The following SCFD2 variants were observed in gnomAD, a reference collection of about 807,000 sequenced individuals.
SCFD2 encodes sec1 family domain containing 2, also known as sec1 family domain-containing protein 2.
A neutral mutation model predicts 58.9 loss-of-function variants in SCFD2; 54 were observed. The observed-to-expected ratio is 0.92, with a 90% CI of 0.74 to 1.15. The LOEUF (loss-of-function observed/expected upper bound fraction) is 1.15, where lower values mean the gene tolerates loss of function less well. Among genes scored for constraint, SCFD2 ranks in the 50% most tolerant of loss-of-function variants. The probability of loss-of-function intolerance (pLI) is 0.00; values close to 1 mark genes in which losing one functional copy is unlikely to be tolerated. For missense variants in SCFD2, 805 were observed against 836.6 expected (o/e 0.96, Z 0.47); for synonymous variants, 321 against 335.9 (o/e 0.96, Z 0.49).
intron 5 of SCFD2, among the ~76,000 whole-genome samples, chr4:53,114,051 T>G (rs1253889304): frequency 1.3e-5 from 2 of 152,138 alleles, no homozygotes; most frequent in African/African-American, 2.4e-5. Flanking sequence ...GCTCCACCAC[T>G]TACTAGCTGT....
intron 5 of SCFD2, among the ~76,000 whole-genome samples, chr4:53,090,305 C>A (rs1346153138): frequency 6.6e-6 from 1 of 152,126 alleles, no homozygotes; most frequent in Non-Finnish European, 1.5e-5. Context: ...AGATTCAAAT[C>A]ATACATGACC....
At chr4:52,935,995 G>A (rs1031002742) in intron 5 of SCFD2, among the ~76,000 whole-genome samples, 5 of 151,844 alleles carry the variant, frequency 3.3e-5, no homozygotes, top group Admixed American at 6.6e-5. Context: ...GCACCACCAC[G>A]CCCAGCTAAT....
intron 4 of SCFD2, among the ~76,000 whole-genome samples, chr4:53,248,914 G>A (rs1442384833): frequency 1.3e-5 from 2 of 152,198 alleles, no homozygotes; most frequent in Admixed American, 6.5e-5. Flanking sequence ...TCCTCCAAAG[G>A]AACGCAGTTC....
intron 4 of SCFD2, 24 bp downstream of exon 4, chr4:53,273,802 C>T: frequency 6.3e-7 from 1 of 1,584,526 alleles, no homozygotes; most frequent in Non-Finnish European, 8.6e-7. Context: ...ATTAAGATCC[C>T]ACGAGGTTCC....
At chr4:52,959,743 T>C (rs532352203) in intron 5 of SCFD2, among the ~76,000 whole-genome samples, 28 of 152,222 alleles carry the variant, frequency 1.8e-4, no homozygotes, top group East Asian at 1.9e-4. Flanking sequence ...CAAGATGACA[T>C]GGCCTTAGCT....
At chr4:53,032,488 C>T (rs138722895) in intron 5 of SCFD2, among the ~76,000 whole-genome samples, 4,030 of 152,168 alleles carry the variant, frequency 0.026, 84 homozygotes, top group African/African-American at 0.055. Flanking sequence ...TAAAAGACAT[C>T]GACTAGCAAA....
chr4:53,108,789 CAA>C (rs1725080883), intron 5 of SCFD2, among the ~76,000 whole-genome samples: 2 of 152,268 alleles, frequency 1.3e-5, no homozygotes, highest in East Asian at 3.9e-4. Flanking sequence ...ACCAGAGGTA[CAA>C]AGAGGAGCTG....
chr4:53,270,594 G>A (rs144712790), intron 4 of SCFD2, among the ~76,000 whole-genome samples: 1 of 152,278 alleles, frequency 6.6e-6, no homozygotes, highest in East Asian at 1.9e-4. Context: ...TGCCCACACA[G>A]AAGGCCCAGG....
At chr4:53,271,409 G>A (rs375514014) in intron 4 of SCFD2, among the ~76,000 whole-genome samples, 9 of 151,210 alleles carry the variant, frequency 6.0e-5, no homozygotes, top group African/African-American at 2.2e-4. Flanking sequence ...GTGGTTTAAA[G>A]GAATGAGCTA....
intron 5 of SCFD2, among the ~76,000 whole-genome samples, chr4:53,001,395 A>G (rs1721862650): frequency 6.6e-6 from 1 of 152,050 alleles, no homozygotes; most frequent in Admixed American, 6.5e-5. Context: ...CTTTTACCGA[A>G]CTGTTTTTCC....
intron 5 of SCFD2, among the ~76,000 whole-genome samples, chr4:52,921,328 C>T (rs1719729903): frequency 1.3e-5 from 2 of 152,162 alleles, no homozygotes; most frequent in Non-Finnish European, 1.5e-5. Context: ...GTCTAATGCA[C>T]TAACAAAGCA....
intron 5 of SCFD2, among the ~76,000 whole-genome samples, chr4:53,002,814 T>C (rs1721891507): frequency 6.6e-6 from 1 of 152,208 alleles, no homozygotes; most frequent in Non-Finnish European, 1.5e-5. Context: ...GAGGTTTAAT[T>C]GGCTCATGGT....
chr4:53,096,063 G>A (rs1329169914), intron 5 of SCFD2, among the ~76,000 whole-genome samples: 9 of 152,120 alleles, frequency 5.9e-5, no homozygotes, highest in Non-Finnish European at 1.2e-4. Context: ...CATTTTTTAT[G>A]GCTGCGTAGT....
At chr4:53,154,414 A>G (rs921057023) in intron 4 of SCFD2, among the ~76,000 whole-genome samples, 14 of 152,182 alleles carry the variant, frequency 9.2e-5, no homozygotes, top group African/African-American at 3.1e-4. Flanking sequence ...CAGATCTCAC[A>G]TAAACTCTGA....
At chr4:53,275,825 T>G (rs1731309406) in intron 3 of SCFD2, among the ~76,000 whole-genome samples, 1 of 152,238 alleles carries the variant, frequency 6.6e-6, no homozygotes, top group Non-Finnish European at 1.5e-5. Flanking sequence ...ATAATGTATC[T>G]GAGATTCATC....
At chr4:53,009,789 C>G (rs546224492) in intron 5 of SCFD2, among the ~76,000 whole-genome samples, 5 of 152,196 alleles carry the variant, frequency 3.3e-5, no homozygotes, top group Admixed American at 1.3e-4. Context: ...AATTGCATTT[C>G]TCAGAACCCT....
chr4:53,256,641 GA>G (rs1349685631), intron 4 of SCFD2, among the ~76,000 whole-genome samples: 4 of 152,222 alleles, frequency 2.6e-5, no homozygotes, highest in African/African-American at 7.2e-5. Context: ...TCGGGAGGCC[GA>G]GGCTGGCGGA....
At chr4:52,920,162 C>T (rs1719700696) in intron 6 of SCFD2, among the ~76,000 whole-genome samples, 1 of 152,192 alleles carries the variant, frequency 6.6e-6, no homozygotes. Context: ...AGTTTTTACA[C>T]AGCAATTATA....
chr4:53,126,684 G>A (rs1448105816), intron 5 of SCFD2, among the ~76,000 whole-genome samples: 1 of 152,182 alleles, frequency 6.6e-6, no homozygotes, highest in East Asian at 1.9e-4. Context: ...GTACCTTGCA[G>A]GTCCCTCACA....
Sources: allele counts gnomAD v4.1 joint callset (sites outside exome capture counted in the v4.1 genomes callset), GRCh38; gene constraint gnomAD v4.1.1; transcripts MANE v1.5; gene names NCBI Gene and HGNC (gene_info 2026-07-23, HGNC 2026-07-21).